Variants in TCF7L1 observed in about 807,000 individuals in gnomAD.
The protein encoded by TCF7L1 is transcription factor 7-like 1.
In TCF7L1, 18 loss-of-function variants were observed where a neutral mutation model predicts 63.7. That is an observed-to-expected ratio of 0.28 (90% CI 0.20 to 0.42). TCF7L1 has a LOEUF of 0.42. Among genes scored for constraint, TCF7L1 ranks in the 10% least tolerant of loss-of-function variants. TCF7L1 has a pLI of 1.00. For synonymous variants in TCF7L1, 355 were observed against 340.9 expected, an observed-to-expected ratio of 1.04 and a Z score of -0.46; for missense variants, 654 against 779.3, an observed-to-expected ratio of 0.84 and a Z score of 1.91.
intron 4 of TCF7L1, among the ~76,000 whole-genome samples, chr2:85,297,680 C>A (rs1005759909): frequency 6.6e-6 from 1 of 151,974 alleles, no homozygotes; most frequent in African/African-American, 2.4e-5. Context: ...CAAAAGTTAG[C>A]CCGGCATGGT....
At chr2:85,244,415 G>A (rs1409568864) in intron 3 of TCF7L1, among the ~76,000 whole-genome samples, 1 of 152,214 alleles carries the variant, frequency 6.6e-6, no homozygotes, top group African/African-American at 2.4e-5. Context: ...GTGGGGCCTG[G>A]ATGGTGGCAG....
At chr2:85,167,522 G>GGCT (rs1678447323) in intron 3 of TCF7L1, 1 of 152,150 alleles carries the variant, frequency 6.6e-6, no homozygotes, top group African/African-American at 2.4e-5. Flanking sequence ...CAGATGGATG[G>GGCT]CTAAAGGAAA....
At chr2:85,254,134 C>A (rs143578442) in intron 3 of TCF7L1, among the ~76,000 whole-genome samples, 2 of 152,268 alleles carry the variant, frequency 1.3e-5, no homozygotes, top group African/African-American at 4.8e-5. Context: ...AGGCTGCTCT[C>A]GCATCATCTC....
chr2:85,158,523 T>G (rs1405600245), intron 3 of TCF7L1, among the ~76,000 whole-genome samples: 7 of 152,088 alleles, frequency 4.6e-5, no homozygotes, highest in Admixed American at 3.3e-4. Flanking sequence ...CTGAGAGAGG[T>G]TGGGGGCAGA....
intron 3 of TCF7L1, among the ~76,000 whole-genome samples, chr2:85,226,007 A>G (rs1679946385): frequency 6.6e-6 from 1 of 152,194 alleles, no homozygotes; most frequent in African/African-American, 2.4e-5. Context: ...ATTTTGTTGA[A>G]GGCCTTTTCT....
intron 3 of TCF7L1, among the ~76,000 whole-genome samples, chr2:85,228,878 G>A (rs192973536): frequency 2.2e-4 from 33 of 151,570 alleles, no homozygotes; most frequent in East Asian, 7.8e-4. Context: ...AAAATTAGCC[G>A]GGGAGGGTGG....
chr2:85,145,817 G>A (rs1259733841), intron 3 of TCF7L1, among the ~76,000 whole-genome samples: 6 of 152,172 alleles, frequency 3.9e-5, no homozygotes, highest in South Asian at 4.2e-4. Flanking sequence ...GCAGTGCTCC[G>A]GAGATGATGC....
intron 11 of TCF7L1, 112 bp downstream of exon 11, chr2:85,307,829 G>A (rs771525367): frequency 3.8e-5 from 37 of 966,946 alleles, no homozygotes; most frequent in Admixed American, 1.3e-4. Context: ...CGGTATTCGC[G>A]GGCGGGTATT....
chr2:85,304,189 C>G, intron 6 of TCF7L1, 66 bp from the exon 7 acceptor site: 2 of 1,502,612 alleles, frequency 1.3e-6, no homozygotes, highest in Non-Finnish European at 1.8e-6. Flanking sequence ...CCCTTCTTCC[C>G]AAGTGCCTCT....
At chr2:85,149,186 G>C (rs1271137572) in intron 3 of TCF7L1, among the ~76,000 whole-genome samples, 1 of 152,124 alleles carries the variant, frequency 6.6e-6, no homozygotes, top group African/African-American at 2.4e-5. Flanking sequence ...TTACATGGTT[G>C]TCAATTCCCT....
intron 3 of TCF7L1, among the ~76,000 whole-genome samples, chr2:85,161,197 T>G (rs1027080358): frequency 6.6e-6 from 1 of 152,236 alleles, no homozygotes; most frequent in Non-Finnish European, 1.5e-5. Context: ...CTCTGGAGTC[T>G]CCAGGATAAC....
At chr2:85,202,820 A>G (rs1047144172) in intron 3 of TCF7L1, among the ~76,000 whole-genome samples, 2 of 152,134 alleles carry the variant, frequency 1.3e-5, no homozygotes, top group Non-Finnish European at 2.9e-5. Flanking sequence ...ATTTGAACCT[A>G]AAGTACCTCC....
rs1214056386 is a variant in TCF7L1, at chr2:85,309,801, G to A, written c.*339G>A. The A allele has an allele frequency of 5.0e-5, 12 of 241,360 alleles. No individual in the cohort carries two copies. The highest frequency in any genetic ancestry group is 4.8e-4 in the Admixed American group (9 of 18,758). The allele number at this position is 241,360 out of a possible 1,614,324, so 15.0% of individuals were successfully genotyped here. Reference sequence around the variant, plus strand: ...CACTTTCTGTCTCCTGTCTCTTCTCGCCCCTGCCGCCTGCCCCAGCTTCCC... The same window carrying A: ...CACTTTCTGTCTCCTGTCTCTTCTCACCCCTGCCGCCTGCCCCAGCTTCCC... On this transcript the variant is annotated 3_prime_UTR_variant, in exon 12 of 12. Transcript: ENST00000282111.
chr2:85,192,641 C>T lies in TCF7L1; in HGVS notation c.441+58191C>T, dbSNP rs144494801. Among the ~76,000 whole-genome samples the T allele has an allele frequency of 3.9e-3, 589 of 151,764 alleles. 3 individuals are homozygous for T. Among genetic ancestry groups the T allele is most frequent in the African/African-American group, 0.013 (544 of 41,336 alleles). Reference sequence around the variant, plus strand: ...CAGGTGATCCATCTGCCTCGGCCTCCCAGAGTGCTGGGATTACACGTGTGA... The same window carrying T: ...CAGGTGATCCATCTGCCTCGGCCTCTCAGAGTGCTGGGATTACACGTGTGA... On this transcript the variant is annotated intron_variant, in intron 3 of 11. Coordinates refer to ENST00000282111, the MANE Select transcript of TCF7L1 (RefSeq NM_031283.3).
At chr2:85,279,715 C>T (rs1340297685) in intron 3 of TCF7L1, among the ~76,000 whole-genome samples, 1 of 152,176 alleles carries the variant, frequency 6.6e-6, no homozygotes, top group South Asian at 2.1e-4. Flanking sequence ...AAGGGAAAGT[C>T]ACGATCCTCC....
intron 3 of TCF7L1, among the ~76,000 whole-genome samples, chr2:85,184,653 G>A (rs1678873611): frequency 6.6e-6 from 1 of 152,022 alleles, no homozygotes; most frequent in Admixed American, 6.6e-5. Context: ...CCCTTTTCTT[G>A]GCCCATCTTC....
intron 3 of TCF7L1, among the ~76,000 whole-genome samples, chr2:85,266,404 G>C (rs1680972011): frequency 6.6e-6 from 1 of 152,200 alleles, no homozygotes; most frequent in African/African-American, 2.4e-5. Context: ...CTGCCAACAT[G>C]AGAGACTAAA....
intron 3 of TCF7L1, among the ~76,000 whole-genome samples, chr2:85,171,272 G>C (rs556948317): frequency 3.9e-5 from 6 of 152,194 alleles, no homozygotes; most frequent in Non-Finnish European, 8.8e-5. Flanking sequence ...TCCATGACTC[G>C]TGGGAATTGT....
chr2:85,301,333 C>G (rs1681967868), intron 4 of TCF7L1, among the ~76,000 whole-genome samples: 1 of 152,154 alleles, frequency 6.6e-6, no homozygotes, highest in Non-Finnish European at 1.5e-5. Context: ...GTTCCCTCAT[C>G]TCTGGAATGG....
Sources: allele counts gnomAD v4.1 joint callset (sites outside exome capture counted in the v4.1 genomes callset), GRCh38; gene constraint gnomAD v4.1.1; transcripts MANE v1.5; gene names NCBI Gene and HGNC (gene_info 2026-07-23, HGNC 2026-07-21).